Variants in ACAN observed in about 807,000 individuals in gnomAD.
ACAN encodes the protein aggrecan core protein.
Under a neutral mutation model 169.1 loss-of-function variants are expected in ACAN, and 47 were observed. The observed-to-expected ratio is 0.28, with a 90% CI of 0.22 to 0.35. The LOEUF (loss-of-function observed/expected upper bound fraction) is 0.35, where lower values mean the gene tolerates loss of function less well. Ranked by LOEUF, ACAN falls within the 10% of genes least tolerant of loss-of-function variation. The pLI is 1.00. For missense variants in ACAN, 2,716 were observed against 2,759.9 expected (o/e 0.98, Z 0.36); for synonymous variants, 1,115 against 1,112.2 (o/e 1.00, Z -0.05).
In ACAN at chr15:88,858,428, C is replaced by T. The variant is rs759627177; in HGVS notation, c.5843C>T (p.Ala1948Val). 6 of 1,613,716 alleles carry T rather than the reference C, an allele frequency of 3.7e-6. No individual in the cohort carries two copies. Among genetic ancestry groups the T allele is most frequent in the East Asian group, 2.2e-5 (1 of 44,870 alleles). Residue 1948 changes from alanine to valine, a missense_variant, in exon 12 of 19, where the codon GCT becomes GTT. Coordinates refer to ENST00000560601, the MANE Select transcript of ACAN (RefSeq NM_001369268.1). The surrounding 1 kb of genome is among the most constrained non-coding windows in gnomAD (Gnocchi z 4.0). The part of the protein sequence containing the change: ...DRTLVESVTQ[A>V]PTAQEAGEGP... ...ACTTTGGTGGAATCTGTAACCCAGGCTCCAACAGCCCAAGAGGCAGGAGAA... is the reference window on the plus strand; with the variant it reads ...ACTTTGGTGGAATCTGTAACCCAGGTTCCAACAGCCCAAGAGGCAGGAGAA...
intron 12 of ACAN, among the ~76,000 whole-genome samples, chr15:88,860,072 C>CTATT (rs1897161478): frequency 9.7e-6 from 1 of 102,900 alleles, no homozygotes; most frequent in South Asian, 3.8e-4. Context: ...GCTGATTTTC[C>CTATT]TTTTTTTTTT....
chr15:88,854,997 A>G lies in ACAN; in HGVS notation c.2412A>G (p.Glu804=), dbSNP rs1203832736. The G allele has an allele frequency of 5.0e-6, 8 of 1,594,918 alleles. No individual in the cohort carries two copies. The highest frequency in any genetic ancestry group is 1.7e-5 in the Admixed American group (1 of 57,362). Residue 804 remains glutamate (E), a synonymous_variant, in exon 12 of 19, where the codon GAA becomes GAG. Transcript: ENST00000560601. ...CAGAGGAGCCATCCCCCTCAGAGGA[A>G]CCATTCCCCTCAGTGAGGCCATTCC... The part of the protein sequence containing the change: ...FPSEEPSPSE[E]PFPSVRPFPS...
intron 9 of ACAN, among the ~76,000 whole-genome samples, chr15:88,848,298 G>A (rs1406796923): frequency 6.6e-6 from 1 of 152,202 alleles, no homozygotes; most frequent in Non-Finnish European, 1.5e-5. Context: ...AAAGCAATGA[G>A]GTCTGTGGGT....
Position 88,838,820 on chromosome 15 carries a change from C to G in ACAN, c.228C>G (p.Ser76Arg). ...CACTGGCCCCAAGAATCAAGTGGAG[C>G]CGTGTGTCCAAGGAGAAGGAGGTAG... is the stretch of plus-strand genomic sequence containing the variant. ...TAPLAPRIKW[S>R]RVSKEKEVVL... The change falls in exon 3 of 19, where the codon AGC (serine) becomes AGG (arginine). Residue 76 changes from serine (S) to arginine (R), a missense_variant. By Grantham distance (110) the Ser-to-Arg change is moderately radical (BLOSUM62 -1). Transcript: ENST00000560601. The surrounding 1 kb of genome is among the most constrained non-coding windows in gnomAD (Gnocchi z 5.1). 4 of 1,614,028 alleles carry G rather than the reference C, an allele frequency of 2.5e-6. No homozygotes were observed. Among genetic ancestry groups the G allele is most frequent in the Non-Finnish European group, 3.4e-6 (4 of 1,179,896 alleles).
At chr15:88,810,747 G>A (rs188731677) in intron 1 of ACAN, among the ~76,000 whole-genome samples, 1 of 152,304 alleles carries the variant, frequency 6.6e-6, no homozygotes, top group African/African-American at 2.4e-5. Context: ...AAAAATACGG[G>A]TGGCTGAAGC....
rs369864209 is a variant in ACAN at position 88,849,590 on chromosome 15, G to A, written c.1885G>A (p.Asp629Asn). Residue 629 changes from aspartate (D) to asparagine (N), a missense_variant, in exon 10 of 19, where the codon GAC (aspartate) becomes AAC (asparagine). This residue lies in a region of ACAN where 1,283 missense variants were observed against 1,281.5 expected (regional missense o/e 1.00). Coordinates refer to ENST00000560601, the MANE Select transcript of ACAN (RefSeq NM_001369268.1). This position sits in a 1 kb window ranked among gnomAD's most constrained non-coding sequence, Gnocchi z 5.1. ...CAAGTGCTATGCCGGCTGGCTGGCC[G>A]ACGGCAGCCTCCGCTACCCCATCGT... ...LDKCYAGWLA[D>N]GSLRYPIVTP... 39 of 1,608,174 alleles carry A rather than the reference G, an allele frequency of 2.4e-5. No individual in the cohort carries two copies. Among genetic ancestry groups the A allele is most frequent in the South Asian group, 4.4e-5 (4 of 90,590 alleles).
chr15:88,851,746 G>A lies in ACAN; in HGVS notation c.2027-48G>A. On this transcript the variant is annotated intron_variant, in intron 10 of 18. Coordinates refer to ENST00000560601, the MANE Select transcript of ACAN (RefSeq NM_001369268.1). This position sits in a 1 kb window ranked among gnomAD's most constrained non-coding sequence, Gnocchi z 4.3. Reference sequence around the variant, plus strand: ...CTCAAGAAGGGCCAGCCAAGGACGGGTCACTGGTAAGAGAGGGACTCACTC... The same window carrying A: ...CTCAAGAAGGGCCAGCCAAGGACGGATCACTGGTAAGAGAGGGACTCACTC... The A allele has an allele frequency of 2.0e-6, 3 of 1,512,822 alleles. No individual in the cohort carries two copies. The highest frequency in any genetic ancestry group is 2.7e-6 in the Non-Finnish European group (3 of 1,126,122). 93.7% of individuals were successfully genotyped at this position (1,512,822 alleles called of 1,614,324 possible). A position where few individuals can be genotyped will look rare whatever the true frequency, so the allele number is the denominator to read the frequency against.
intron 13 of ACAN, among the ~76,000 whole-genome samples, chr15:88,867,071 A>T (rs1362466231): frequency 6.6e-6 from 1 of 152,204 alleles, no homozygotes; most frequent in East Asian, 1.9e-4. Context: ...TTCCCAGGGG[A>T]GGAAACCAAG....
intron 1 of ACAN, among the ~76,000 whole-genome samples, chr15:88,815,173 C>T (rs8026583): frequency 0.17 from 25,854 of 151,964 alleles, 2,391 homozygotes; most frequent in East Asian, 0.32. Context: ...AGAGAGCCCA[C>T]GTTGTGTATC....
intron 13 of ACAN, among the ~76,000 whole-genome samples, chr15:88,865,825 G>A (rs575059545): frequency 1.3e-5 from 2 of 152,338 alleles, no homozygotes; most frequent in Admixed American, 6.5e-5. Flanking sequence ...CAGAACAAGA[G>A]GAGATGAGAC....
intron 1 of ACAN, among the ~76,000 whole-genome samples, chr15:88,811,089 G>T (rs527599785): frequency 6.6e-6 from 1 of 152,148 alleles, no homozygotes; most frequent in Non-Finnish European, 1.5e-5. Context: ...GGTTCTCCAA[G>T]GTGGTTTGTA....
Position 88,866,051 on chromosome 15 carries a change from C to T in ACAN, c.6947-2165C>T, listed in dbSNP as rs1253218197. On this transcript the variant is annotated intron_variant, in intron 13 of 18. Transcript: ENST00000560601. The surrounding 1 kb of genome is among the most constrained non-coding windows in gnomAD (Gnocchi z 5.6). ...CCCCGGAATTTGTTCCTTCAGTCCC[C>T]GCAGCCTTCTCAGATTTTGTGCCCT... Among the ~76,000 whole-genome samples, 1 of 152,156 alleles carries T rather than the reference C, an allele frequency of 6.6e-6. No individual in the cohort carries two copies. The highest frequency in any genetic ancestry group is 1.5e-5 in the Non-Finnish European group (1 of 68,036).
intron 7 of ACAN, 148 bp from the exon 8 acceptor site, chr15:88,847,095 G>A (rs776108390): frequency 4.5e-6 from 4 of 887,552 alleles, no homozygotes; most frequent in Middle Eastern, 3.6e-4. Context: ...TCACACCCAC[G>A]TGGCTACCAA....
chr15:88,872,215 G>A lies in ACAN; in HGVS notation c.7302+130G>A, dbSNP rs1567194602. ...GCTGCTGGACCGGGAACCCTTGAGGGCAGGGATTATCTCCTTCATCTCTGC... is the reference window on the plus strand; with the variant it reads ...GCTGCTGGACCGGGAACCCTTGAGGACAGGGATTATCTCCTTCATCTCTGC... On this transcript the variant is annotated intron_variant, in intron 16 of 18. Transcript: ENST00000560601. This position sits in a 1 kb window ranked among gnomAD's most constrained non-coding sequence, Gnocchi z 5.4. The A allele has an allele frequency of 6.5e-6, 5 of 765,412 alleles. No homozygotes were observed. Among genetic ancestry groups the A allele is most frequent in the Admixed American group, 4.3e-5 (2 of 46,282 alleles). The allele number at this position is 765,412 out of a possible 1,614,324, so 47.4% of individuals were successfully genotyped here.
At chr15:88,864,072 G>A (rs908499353) in intron 13 of ACAN, among the ~76,000 whole-genome samples, 3 of 152,148 alleles carry the variant, frequency 2.0e-5, no homozygotes, top group Admixed American at 1.3e-4. Flanking sequence ...AGCTACTTGG[G>A]AAGCTAAGGT....
intron 1 of ACAN, among the ~76,000 whole-genome samples, chr15:88,823,450 A>C: frequency 6.6e-6 from 1 of 151,840 alleles, no homozygotes. Flanking sequence ...AGAACAGGGC[A>C]AAGCTGAGTG....
At position 88,871,453 on chromosome 15, in the gene ACAN, A is replaced by T. The variant is rs369624139; in HGVS notation, c.7132A>T (p.Thr2378Ser). 1.2e-6 allele frequency: 2 copies of T among 1,613,906 alleles called. No homozygotes were observed. The highest frequency in any genetic ancestry group is 1.7e-5 in the Admixed American group (1 of 60,012). Residue 2378 changes from threonine (T) to serine (S), a missense_variant, in exon 15 of 19, where the codon ACC (threonine) becomes TCC (serine). Thr to Ser is a moderately conservative substitution (Grantham distance 58). This residue lies in a region of ACAN where 1,389 missense variants were observed against 1,363.7 expected (regional missense o/e 1.02). Transcript: ENST00000560601. This position sits in a 1 kb window ranked among gnomAD's most constrained non-coding sequence, Gnocchi z 7.8. ...HCYRHFPDRETWVDAERRCRE... is the reference protein window; with the variant it reads ...HCYRHFPDRESWVDAERRCRE... ...TTACCGCCACTTCCCGGACCGCGAG[A>T]CCTGGGTGGATGCTGAGCGCCGGTG... is the stretch of plus-strand genomic sequence containing the variant.
intron 1 of ACAN, among the ~76,000 whole-genome samples, chr15:88,818,565 A>G (rs1206141376): frequency 6.6e-6 from 1 of 152,118 alleles, no homozygotes; most frequent in Non-Finnish European, 1.5e-5. Flanking sequence ...GTTTGATGAT[A>G]TTTATTTCTC....
In ACAN at chr15:88,870,376, G is replaced by A. The variant is rs889404708; in HGVS notation, c.7061-1006G>A. Reference sequence around the variant, plus strand: ...GAGATCCCAGGGGAAGAAGGAAGAAGGGGGGCCTTGGAATTCACTCTGTCC... The same window carrying A: ...GAGATCCCAGGGGAAGAAGGAAGAAAGGGGGCCTTGGAATTCACTCTGTCC... On this transcript the variant is annotated intron_variant, in intron 14 of 18. Coordinates refer to ENST00000560601, the MANE Select transcript of ACAN (RefSeq NM_001369268.1). The surrounding 1 kb of genome is among the most constrained non-coding windows in gnomAD (Gnocchi z 6.3). Among the ~76,000 whole-genome samples, 2 of 152,218 alleles carry A rather than the reference G, an allele frequency of 1.3e-5. No individual in the cohort carries two copies. Among genetic ancestry groups the A allele is most frequent in the Non-Finnish European group, 2.9e-5 (2 of 68,038 alleles).
Sources: gnomAD v4.1 joint callset for allele counts (sites outside exome capture counted in the v4.1 genomes callset) on GRCh38, gnomAD v4.1.1 for gene constraint, gnomAD v4.1.1 regional missense constraint, Gnocchi (gnomAD v3.1) non-coding constraint, MANE v1.5 for transcripts, NCBI Gene and HGNC (gene_info 2026-07-23, HGNC 2026-07-21) for gene names.